MAP2: variants seen among roughly 807,000 people sequenced by gnomAD.
MAP2 encodes microtubule associated protein 2.
A neutral mutation model predicts 137.6 loss-of-function variants in MAP2; 14 were observed. That is an observed-to-expected ratio of 0.10 (90% CI 0.07 to 0.16). The LOEUF (loss-of-function observed/expected upper bound fraction) is 0.16. MAP2 is among the 10% of genes least tolerant of loss of function. The probability of loss-of-function intolerance (pLI) is 1.00; values close to 1 mark genes in which losing one functional copy is unlikely to be tolerated. For missense variants in MAP2, 2,088 were observed against 2,191.5 expected (o/e 0.95, Z 0.94); for synonymous variants, 786 against 782.3 (o/e 1.00, Z -0.08).
chr2:209,704,465 A>G, intron 11 of MAP2: 1 of 1,605,792 alleles, frequency 6.2e-7, no homozygotes, highest in Non-Finnish European at 8.5e-7. Context: ...TACCTTGTCA[A>G]AGATTCCTGC....
intron 3 of MAP2, among the ~76,000 whole-genome samples, chr2:209,613,082 A>C (rs551508170): frequency 6.6e-6 from 1 of 152,248 alleles, no homozygotes; most frequent in East Asian, 1.9e-4. Flanking sequence ...CGTGCGCATC[A>C]GTTGATCTCC....
At chr2:209,510,332 T>A (rs909623904) in intron 2 of MAP2, among the ~76,000 whole-genome samples, 2 of 152,042 alleles carry the variant, frequency 1.3e-5, no homozygotes, top group Non-Finnish European at 2.9e-5. Flanking sequence ...TATTTCATAG[T>A]TTATTTCACC....
At chr2:209,567,280 G>T (rs772981170) in intron 2 of MAP2, among the ~76,000 whole-genome samples, 1 of 152,008 alleles carries the variant, frequency 6.6e-6, no homozygotes, top group East Asian at 1.9e-4. Flanking sequence ...CATCAAGTTT[G>T]CCCCTAACTA....
At chr2:209,589,538 A>T (rs913008559) in intron 3 of MAP2, among the ~76,000 whole-genome samples, 2 of 152,216 alleles carry the variant, frequency 1.3e-5, no homozygotes, top group Non-Finnish European at 2.9e-5. Context: ...GCCCTACCTT[A>T]AAAGACTCCT....
chr2:209,686,123 G>T (rs1489145040), intron 7 of MAP2, among the ~76,000 whole-genome samples: 5 of 152,200 alleles, frequency 3.3e-5, no homozygotes, highest in Admixed American at 1.3e-4. Flanking sequence ...GATTCAGTCA[G>T]TGTTGTAGGC....
At chr2:209,553,105 G>A (rs543265012) in intron 2 of MAP2, among the ~76,000 whole-genome samples, 11 of 150,740 alleles carry the variant, frequency 7.3e-5, no homozygotes, top group Non-Finnish European at 1.3e-4. Context: ...TCTGCCTCCC[G>A]GGTTCATGCC....
chr2:209,604,266 G>T lies in MAP2; in HGVS notation c.-106-20787G>T, dbSNP rs565556799. Among the ~76,000 whole-genome samples the T allele has an allele frequency of 7.2e-5, 11 of 152,258 alleles. No individual in the cohort carries two copies. In the East Asian group the frequency reaches 2.1e-3, roughly 29 times the overall value. The stretch of plus-strand genomic sequence containing the variant: ...GAGGTGTTCATTAAGTCCGTACCCA[G>T]TACCCTTGAAACAAGAATGCCACAT... On this transcript the variant is annotated intron_variant, in intron 3 of 15. Coordinates refer to ENST00000682079, the MANE Select transcript of MAP2 (RefSeq NM_001375505.1).
intron 7 of MAP2, among the ~76,000 whole-genome samples, chr2:209,682,842 C>A (rs1007748190): frequency 4.6e-5 from 7 of 152,176 alleles, no homozygotes; most frequent in African/African-American, 1.7e-4. Context: ...GGTCAGTGGC[C>A]TAGATTTCAT....
intron 1 of MAP2, among the ~76,000 whole-genome samples, chr2:209,492,340 A>T (rs1312486224): frequency 6.6e-6 from 1 of 152,202 alleles, no homozygotes; most frequent in Non-Finnish European, 1.5e-5. Context: ...ATCACACTGA[A>T]TGGGCAAAAG....
At chr2:209,627,193 C>T (rs754463630) in intron 4 of MAP2, among the ~76,000 whole-genome samples, 17 of 151,762 alleles carry the variant, frequency 1.1e-4, no homozygotes, top group Non-Finnish European at 2.2e-4. Flanking sequence ...CTTGGTCTGG[C>T]CTATGTTAGT....
chr2:209,681,212 C>A (rs2054412174), intron 7 of MAP2, among the ~76,000 whole-genome samples: 1 of 152,082 alleles, frequency 6.6e-6, no homozygotes, highest in Non-Finnish European at 1.5e-5. Context: ...TCAGATTTAT[C>A]AATGAAATCA....
In MAP2 at chr2:209,693,544, A is replaced by G. The variant is rs774863559; in HGVS notation, c.1374A>G (p.Lys458=). ...TTTCTGACAAAGAAGCTGTGCCAAA[A>G]GAGAGTAAACCCCCAAAACCTGCAG... ...TTISDKEAVP[K]ESKPPKPADE... The change falls in exon 8 of 16, where the codon AAA becomes AAG. Residue 458 remains lysine, a synonymous_variant. Transcript: ENST00000682079. 2 of 1,611,756 alleles carry G rather than the reference A, an allele frequency of 1.2e-6. No individual in the cohort carries two copies. Among genetic ancestry groups the G allele is most frequent in the Middle Eastern group, 3.3e-4 (2 of 6,042 alleles).
At chr2:209,709,175 T>C (rs2064532927) in intron 12 of MAP2, among the ~76,000 whole-genome samples, 1 of 152,116 alleles carries the variant, frequency 6.6e-6, no homozygotes, top group Non-Finnish European at 1.5e-5. Flanking sequence ...ACTGCCAAGC[T>C]AGTGATGAAA....
chr2:209,482,900 G>T lies in MAP2; in HGVS notation c.-221-24692G>T, dbSNP rs376965757. ...ACTCTCTGCATTTTACAGAATCATT[G>T]TCTGTTTTTATGAAATATTACAGCC... On this transcript the variant is annotated intron_variant, in intron 1 of 15. Transcript: ENST00000682079. Among the ~76,000 whole-genome samples, 34 of 152,268 alleles carry T rather than the reference G, an allele frequency of 2.2e-4. No individual in the cohort carries two copies. The East Asian group carries it at 6.4e-3, about 29-fold the overall frequency.
chr2:209,720,638 C>CAAAA (rs3036697), intron 13 of MAP2, among the ~76,000 whole-genome samples: 2 of 72,800 alleles, frequency 2.7e-5, no homozygotes, highest in African/African-American at 9.5e-5. Flanking sequence ...TACTTGGTCT[C>CAAAA]AAAAAAAAAA....
At chr2:209,555,115 A>T (rs113354208) in intron 2 of MAP2, among the ~76,000 whole-genome samples, 2 of 151,990 alleles carry the variant, frequency 1.3e-5, no homozygotes, top group African/African-American at 4.8e-5. Context: ...CATACAGAAG[A>T]TAGCAAAAGG....
Position 209,693,102 on chromosome 2 carries a change from C to T in MAP2, c.932C>T (p.Ser311Phe). 1 of 1,613,260 alleles carries T rather than the reference C, an allele frequency of 6.2e-7. No homozygotes were observed. Among genetic ancestry groups the T allele is most frequent in the Non-Finnish European group, 8.5e-7 (1 of 1,179,756 alleles). Residue 311 changes from serine (S) to phenylalanine (F), a missense_variant, in exon 8 of 16, where the codon TCT becomes TTT. By Grantham distance (155) the Ser-to-Phe change is radical. Transcript: ENST00000682079. Reference protein sequence around the residue: ...IPKWEGKQFDSPMPSPFQGGS... With the variant: ...IPKWEGKQFDFPMPSPFQGGS... ...AAATGGGAAGGGAAACAGTTTGATT[C>T]TCCCATGCCAAGTCCCTTTCAAGGG... is the stretch of plus-strand genomic sequence containing the variant.
chr2:209,709,523 A>G (rs1460278850), intron 12 of MAP2, among the ~76,000 whole-genome samples: 2 of 152,182 alleles, frequency 1.3e-5, no homozygotes, highest in Non-Finnish European at 2.9e-5. Context: ...TCTACATATC[A>G]TTCAAGGAAT....
chr2:209,727,088 CA>C (rs1559678998), intron 14 of MAP2, among the ~76,000 whole-genome samples: 1 of 152,178 alleles, frequency 6.6e-6, no homozygotes, highest in Non-Finnish European at 1.5e-5. Flanking sequence ...ATCTGGAAAT[CA>C]GGATTCATTT....
Sources: gnomAD v4.1 joint callset for allele counts (sites outside exome capture counted in the v4.1 genomes callset) on GRCh38, gnomAD v4.1.1 for gene constraint, MANE v1.5 for transcripts, NCBI Gene and HGNC (gene_info 2026-07-23, HGNC 2026-07-21) for gene names.